Variants in SGCE observed in about 807,000 individuals in gnomAD.
The protein encoded by SGCE is epsilon-sarcoglycan.
In SGCE, 26 loss-of-function variants were observed where a neutral mutation model predicts 57.8. The ratio of observed to expected loss-of-function variants is 0.45; its 90% CI spans 0.33 to 0.62. The LOEUF (loss-of-function observed/expected upper bound fraction) is 0.62. SGCE is among the 20% of genes least tolerant of loss of function. SGCE has a pLI of 0.02. For missense variants in SGCE, 468 were observed against 548.6 expected (o/e 0.85, Z 1.47); for synonymous variants, 183 against 189.5 (o/e 0.97, Z 0.28).
At chr7:94,629,463 G>A (rs1003633522) in intron 2 of SGCE, 1 of 394,904 alleles carries the variant, frequency 2.5e-6, no homozygotes. Context: ...GTGAATATAG[G>A]TAGATCACTT....
intron 10 of SGCE, 90 bp downstream of exon 10, chr7:94,588,599 A>G (rs1797225693): frequency 2.6e-6 from 4 of 1,551,508 alleles, no homozygotes; most frequent in Non-Finnish European, 3.5e-6. Flanking sequence ...TTTGGTGAAG[A>G]TAAAGCTTCA....
At chr7:94,628,135 A>AAC (rs775651436) in intron 3 of SGCE, 67 bp downstream of exon 3, 26 of 1,043,216 alleles carry the variant, frequency 2.5e-5, no homozygotes, top group African/African-American at 6.9e-5. Flanking sequence ...CTCAAATTAC[A>AAC]ATACACACAC....
At chr7:94,588,290 T>C in intron 10 of SGCE, 1 of 1,060,076 alleles carries the variant, frequency 9.4e-7, no homozygotes, top group Non-Finnish European at 1.1e-6. Flanking sequence ...CCTCAGTGAT[T>C]AGTCACAATG....
chr7:94,598,598 A>T, intron 9 of SGCE, 177 bp downstream of exon 9: 1 of 627,720 alleles, frequency 1.6e-6, no homozygotes, highest in Non-Finnish European at 2.8e-6. Context: ...GCATTTCCTA[A>T]AAGTAATTGT....
At chr7:94,588,491 C>T in intron 10 of SGCE, 198 bp downstream of exon 10, 1 of 1,403,520 alleles carries the variant, frequency 7.1e-7, no homozygotes, top group Admixed American at 2.8e-5. Context: ...GATCATTTAC[C>T]CTGTGTTTAT....
chr7:94,635,361 AAG>A (rs1319248109), intron 1 of SGCE, among the ~76,000 whole-genome samples: 1 of 152,232 alleles, frequency 6.6e-6, no homozygotes, highest in African/African-American at 2.4e-5. Context: ...TGAGGATACA[AAG>A]AGAGTACTAA....
chr7:94,588,215 G>A (rs1797169808), intron 10 of SGCE: 1 of 1,072,208 alleles, frequency 9.3e-7, no homozygotes, highest in Non-Finnish European at 1.1e-6. Flanking sequence ...CATTGGTCAT[G>A]TTATAACAGC....
intron 9 of SGCE, among the ~76,000 whole-genome samples, chr7:94,593,567 A>G (rs997403779): frequency 4.6e-5 from 7 of 152,002 alleles, no homozygotes; most frequent in African/African-American, 1.7e-4. Context: ...CCCCAAGCAT[A>G]AGACTACAAA....
intron 1 of SGCE, among the ~76,000 whole-genome samples, chr7:94,654,908 C>A (rs968963274): frequency 6.6e-6 from 1 of 152,196 alleles, no homozygotes; most frequent in Non-Finnish European, 1.5e-5. Context: ...CTAAGATCAT[C>A]AACAGATTGT....
intron 1 of SGCE, among the ~76,000 whole-genome samples, chr7:94,645,169 C>T (rs751371171): frequency 1.3e-5 from 2 of 152,196 alleles, no homozygotes; most frequent in African/African-American, 2.4e-5. Context: ...CAAATACAGT[C>T]ATGCATTGCT....
At chr7:94,624,975 C>G (rs745467634) in intron 3 of SGCE, 3 of 150,802 alleles carry the variant, frequency 2.0e-5, no homozygotes, top group Non-Finnish European at 4.4e-5. Context: ...TTAATTTTAA[C>G]AGCTATAACA....
rs973343257 is a variant in SGCE, at chr7:94,594,586, A to G, written c.1253+4189T>C. 4 of 152,106 alleles carry G rather than the reference A, an allele frequency of 2.6e-5. No homozygotes were observed. In the East Asian group the frequency reaches 7.7e-4, roughly 29 times the overall value. 9.4% of individuals were successfully genotyped at this position (152,106 alleles called of 1,614,324 possible). On this transcript the variant is annotated intron_variant, in intron 9 of 10. Coordinates refer to ENST00000648936, the MANE Select transcript of SGCE (RefSeq NM_003919.3). ...GGACATTAGTGGAAAAACGAATGACATCTGAAAAAAGTCTGAAGTCTAGGT... is the reference window on the plus strand; with the variant it reads ...GGACATTAGTGGAAAAACGAATGACGTCTGAAAAAAGTCTGAAGTCTAGGT...
intron 5 of SGCE, among the ~76,000 whole-genome samples, chr7:94,604,123 T>G (rs10272757): frequency 0.012 from 1,806 of 152,124 alleles, 34 homozygotes; most frequent in African/African-American, 0.041. Flanking sequence ...TGGGGAAAGA[T>G]CTCTACTTAA....
At chr7:94,649,504 G>A (rs1486879591) in intron 1 of SGCE, among the ~76,000 whole-genome samples, 1 of 152,220 alleles carries the variant, frequency 6.6e-6, no homozygotes, top group Admixed American at 6.5e-5. Context: ...GTAGCCGCCT[G>A]TAGATCAGCT....
At chr7:94,623,737 C>CAAA (rs35685364) in intron 3 of SGCE, 3 of 334,420 alleles carry the variant, frequency 9.0e-6, no homozygotes, top group Admixed American at 4.9e-5. Context: ...TCTAAGATTT[C>CAAA]AAAAAAAAAA....
chr7:94,607,891 T>G (rs980296616), intron 5 of SGCE, among the ~76,000 whole-genome samples: 1 of 152,184 alleles, frequency 6.6e-6, no homozygotes, highest in African/African-American at 2.4e-5. Context: ...CTCCTAAAAC[T>G]AGTGAGTGAT....
chr7:94,644,565 C>T (rs1012697038), intron 1 of SGCE: 53 of 941,290 alleles, frequency 5.6e-5, no homozygotes, highest in Non-Finnish European at 7.7e-5. Context: ...AGTAAACAGC[C>T]GGATATGCCA....
chr7:94,654,326 T>C (rs555658853), intron 1 of SGCE, among the ~76,000 whole-genome samples: 2 of 152,328 alleles, frequency 1.3e-5, no homozygotes, highest in African/African-American at 2.4e-5. Context: ...TTTTCCTGCT[T>C]TTCATCTATA....
At chr7:94,595,811 G>C (rs1008717495) in intron 9 of SGCE, among the ~76,000 whole-genome samples, 2 of 151,940 alleles carry the variant, frequency 1.3e-5, no homozygotes, top group African/African-American at 4.8e-5. Context: ...CACATATTCT[G>C]GCTTATAGGG....
Sources: gnomAD v4.1 joint callset for allele counts (sites outside exome capture counted in the v4.1 genomes callset) on GRCh38, gnomAD v4.1.1 for gene constraint, MANE v1.5 for transcripts, NCBI Gene and HGNC (gene_info 2026-07-23, HGNC 2026-07-21) for gene names.